Variants in MYOCD observed in about 807,000 individuals in gnomAD.
MYOCD encodes the protein myocardin.
In MYOCD, 32 loss-of-function variants were observed where a neutral mutation model predicts 96.1. That is an observed-to-expected ratio of 0.33 (90% confidence interval 0.25 to 0.45). The LOEUF (loss-of-function observed/expected upper bound fraction) is 0.45, where lower values mean the gene tolerates loss of function less well. Ranked by LOEUF, MYOCD falls within the 20% of genes least tolerant of loss-of-function variation. The pLI is 1.00. For missense variants in MYOCD, 1,133 were observed against 1,200.6 expected (o/e 0.94, Z 0.83); for synonymous variants, 469 against 469.0 (o/e 1.00, Z 0.00).
chr17:12,678,618 T>C (rs188291172), intron 1 of MYOCD, among the ~76,000 whole-genome samples: 1 of 152,264 alleles, frequency 6.6e-6, no homozygotes, highest in Non-Finnish European at 1.5e-5. Context: ...CTTATTTCTT[T>C]GATGTATTCA....
At chr17:12,738,429 C>G (rs1284034314) in intron 6 of MYOCD, among the ~76,000 whole-genome samples, 2 of 152,080 alleles carry the variant, frequency 1.3e-5, no homozygotes, top group African/African-American at 2.4e-5. Context: ...TTTCTTATGA[C>G]TTTATACACA....
chr17:12,754,288 G>T (rs541227813), intron 10 of MYOCD, among the ~76,000 whole-genome samples: 1 of 152,282 alleles, frequency 6.6e-6, no homozygotes, highest in African/African-American at 2.4e-5. Flanking sequence ...ATTTTTAGTA[G>T]AGACAGAGTT....
chr17:12,751,336 C>G (rs548909529), intron 9 of MYOCD, among the ~76,000 whole-genome samples: 106 of 151,664 alleles, frequency 7.0e-4, no homozygotes, highest in African/African-American at 2.5e-3. Context: ...GAAAAATAGT[C>G]AATTCAAACT....
chr17:12,693,623 TAGAATAAAATAAAATAAAATAA>T (rs1217777735), intron 1 of MYOCD, among the ~76,000 whole-genome samples: 23 of 123,010 alleles, frequency 1.9e-4, no homozygotes, highest in African/African-American at 5.7e-4. Flanking sequence ...AAAAATAAAA[TAGAATAAAATAAAATAAAATAA>T]AATAAAATAA....
At chr17:12,750,880 C>G (rs1031135894) in intron 9 of MYOCD, among the ~76,000 whole-genome samples, 1 of 151,938 alleles carries the variant, frequency 6.6e-6, no homozygotes, top group South Asian at 2.1e-4. Flanking sequence ...GATCATATAT[C>G]CCTTGCTCAT....
intron 1 of MYOCD, among the ~76,000 whole-genome samples, chr17:12,687,038 C>T (rs1046845285): frequency 3.3e-5 from 5 of 152,100 alleles, no homozygotes; most frequent in African/African-American, 1.2e-4. Flanking sequence ...TTTTTAGAAC[C>T]AAATCATAAA....
intron 11 of MYOCD, among the ~76,000 whole-genome samples, chr17:12,757,717 C>T (rs1455341290): frequency 6.6e-6 from 1 of 152,156 alleles, no homozygotes; most frequent in Non-Finnish European, 1.5e-5. Flanking sequence ...TGCTCTCGAA[C>T]TCCTGACCTC....
At chr17:12,741,489 C>T (rs1437045937) in intron 7 of MYOCD, among the ~76,000 whole-genome samples, 2 of 152,138 alleles carry the variant, frequency 1.3e-5, no homozygotes, top group Non-Finnish European at 2.9e-5. Flanking sequence ...GGGCAGATCA[C>T]CTGAGGTCAG....
At chr17:12,694,360 A>G (rs1246386493) in intron 1 of MYOCD, among the ~76,000 whole-genome samples, 2 of 152,138 alleles carry the variant, frequency 1.3e-5, no homozygotes, top group Non-Finnish European at 2.9e-5. Flanking sequence ...TTCTGTCTGA[A>G]GTGTCAGGAC....
At chr17:12,683,408 A>G (rs1444500473) in intron 1 of MYOCD, among the ~76,000 whole-genome samples, 1 of 151,868 alleles carries the variant, frequency 6.6e-6, no homozygotes, top group Non-Finnish European at 1.5e-5. Context: ...GTCACCAACA[A>G]CTTTACTGTC....
At chr17:12,679,300 G>A (rs1910304602) in intron 1 of MYOCD, among the ~76,000 whole-genome samples, 2 of 152,144 alleles carry the variant, frequency 1.3e-5, no homozygotes, top group African/African-American at 4.8e-5. Flanking sequence ...TTCAGCAAAT[G>A]TAACTCAGGA....
At chr17:12,749,238 G>A (rs765125870) in intron 9 of MYOCD, among the ~76,000 whole-genome samples, 7 of 152,112 alleles carry the variant, frequency 4.6e-5, no homozygotes, top group Non-Finnish European at 1.0e-4. Flanking sequence ...TATTCAAAAC[G>A]TGATTTCAGG....
chr17:12,682,795 G>T (rs1910554989), intron 1 of MYOCD, among the ~76,000 whole-genome samples: 1 of 152,188 alleles, frequency 6.6e-6, no homozygotes, highest in African/African-American at 2.4e-5. Context: ...AGAAGTCTTT[G>T]ATTGGTAGAA....
At chr17:12,754,950 C>T (rs962215490) in intron 10 of MYOCD, among the ~76,000 whole-genome samples, 2 of 152,108 alleles carry the variant, frequency 1.3e-5, no homozygotes, top group African/African-American at 4.8e-5. Flanking sequence ...ATCACATGAA[C>T]CCAAGATTTG....
intron 1 of MYOCD, among the ~76,000 whole-genome samples, chr17:12,669,768 G>A (rs978337699): frequency 3.9e-5 from 6 of 152,010 alleles, no homozygotes; most frequent in African/African-American, 1.2e-4. Context: ...ACAGGTGCCC[G>A]CTACCACGCC....
chr17:12,695,960 G>A (rs2150662672), intron 1 of MYOCD, among the ~76,000 whole-genome samples: 1 of 151,142 alleles, frequency 6.6e-6, no homozygotes, highest in Admixed American at 6.6e-5. Flanking sequence ...TTTGTAATTG[G>A]CTTATCTCAC....
intron 7 of MYOCD, among the ~76,000 whole-genome samples, chr17:12,741,953 A>G (rs1051946392): frequency 4.6e-5 from 7 of 152,070 alleles, no homozygotes; most frequent in Non-Finnish European, 8.8e-5. Context: ...CCTTTACCCC[A>G]GACTATCCAG....
chr17:12,721,019 C>G (rs112509213), intron 4 of MYOCD, among the ~76,000 whole-genome samples: 83 of 112,094 alleles, frequency 7.4e-4, no homozygotes, highest in Non-Finnish European at 1.2e-3. Flanking sequence ...AAGACTCTGT[C>G]TTAAAAAAAA....
At chr17:12,688,678 TCTTC>T (rs143481112) in intron 1 of MYOCD, among the ~76,000 whole-genome samples, 14,369 of 149,822 alleles carry the variant, frequency 0.096, 794 homozygotes, top group Non-Finnish European at 0.13. Context: ...TTCATTCCTT[TCTTC>T]CTTCCTTCCT....
Sources: allele counts gnomAD v4.1 joint callset (sites outside exome capture counted in the v4.1 genomes callset), GRCh38; gene constraint gnomAD v4.1.1; transcripts MANE v1.5; gene names NCBI Gene and HGNC (gene_info 2026-07-23, HGNC 2026-07-21).